BCAT1: variants seen among roughly 807,000 people sequenced by gnomAD.
BCAT1 encodes the protein branched chain amino acid transaminase 1, also known as branched-chain-amino-acid aminotransferase, cytosolic.
In BCAT1, 48 loss-of-function variants were observed where a neutral mutation model predicts 52.4. The ratio of observed to expected loss-of-function variants is 0.92; its 90% CI spans 0.73 to 1.16. The LOEUF is 1.16. Ranked by LOEUF, BCAT1 falls within the 50% of genes most tolerant of loss-of-function variation. The pLI is 0.00. For missense variants in BCAT1, 451 were observed against 457.1 expected, an observed-to-expected ratio of 0.99 and a Z score of 0.12; for synonymous variants, 167 against 161.3, an observed-to-expected ratio of 1.04 and a Z score of -0.27.
intron 10 of BCAT1, among the ~76,000 whole-genome samples, chr12:24,819,018 G>A (rs949010197): frequency 3.3e-5 from 5 of 152,046 alleles, no homozygotes; most frequent in African/African-American, 1.2e-4. Context: ...TACATAGAAG[G>A]TACCATTATC....
chr12:24,916,170 C>G (rs1943403926), intron 1 of BCAT1, among the ~76,000 whole-genome samples: 1 of 152,172 alleles, frequency 6.6e-6, no homozygotes, highest in South Asian at 2.1e-4. Flanking sequence ...AAAAAACAAA[C>G]TCTTGAAGCA....
intron 5 of BCAT1, among the ~76,000 whole-genome samples, chr12:24,855,599 T>C (rs2139490559): frequency 1.3e-5 from 2 of 152,216 alleles, no homozygotes; most frequent in Middle Eastern, 6.8e-3. Flanking sequence ...CAGGCTGGTC[T>C]CAAATCCCTG....
At chr12:24,912,393 A>T (rs1591869673) in intron 1 of BCAT1, among the ~76,000 whole-genome samples, 3 of 152,008 alleles carry the variant, frequency 2.0e-5, no homozygotes, top group African/African-American at 7.2e-5. Context: ...AGTGGTGGGC[A>T]CCTGTAGTCC....
chr12:24,916,795 T>G (rs1943416770), intron 1 of BCAT1, among the ~76,000 whole-genome samples: 1 of 152,194 alleles, frequency 6.6e-6, no homozygotes, highest in Non-Finnish European at 1.5e-5. Flanking sequence ...GGCCTCGCCC[T>G]CCCAAGGTGC....
At chr12:24,946,923 C>T (rs1444262420) in intron 1 of BCAT1, among the ~76,000 whole-genome samples, 3 of 152,120 alleles carry the variant, frequency 2.0e-5, no homozygotes, top group African/African-American at 4.8e-5. Flanking sequence ...TATTTTTCCC[C>T]TTTTCTCTCT....
At position 24,949,077 on chromosome 12, in the gene BCAT1, G is replaced by A; in HGVS notation, c.-145C>T. On this transcript the variant is annotated 5_prime_UTR_variant, in exon 1 of 11. Coordinates refer to ENST00000261192, the MANE Select transcript of BCAT1 (RefSeq NM_005504.7). ...CTGGGGCAGTGCCCGAGGCGGCGGC[G>A]AGTACACGTGGCGGGCTGGATTGCA... The A allele has an allele frequency of 2.7e-6, 2 of 739,008 alleles. No homozygotes were observed. The highest frequency in any genetic ancestry group is 4.4e-6 in the Non-Finnish European group (2 of 452,270). The allele number at this position is 739,008 out of a possible 1,614,324, so 45.8% of individuals were successfully genotyped here.
chr12:24,923,890 A>G (rs1468027569), intron 1 of BCAT1, among the ~76,000 whole-genome samples: 1 of 152,234 alleles, frequency 6.6e-6, no homozygotes, highest in Non-Finnish European at 1.5e-5. Context: ...TGCTCAGTCC[A>G]TCCCCTTCTC....
chr12:24,887,074 A>AT (rs1386988910), intron 3 of BCAT1, among the ~76,000 whole-genome samples: 2 of 95,066 alleles, frequency 2.1e-5, no homozygotes, highest in East Asian at 2.6e-4. Flanking sequence ...AAAAAAAAAA[A>AT]AAAAAAATAT....
intron 1 of BCAT1, chr12:24,945,450 G>A (rs1458049578): frequency 1.3e-5 from 2 of 152,188 alleles, no homozygotes; most frequent in Non-Finnish European, 2.9e-5. Context: ...GAAATGTATA[G>A]ACCAGTTGGA....
chr12:24,860,009 A>C (rs1941810469), intron 5 of BCAT1, among the ~76,000 whole-genome samples: 1 of 152,244 alleles, frequency 6.6e-6, no homozygotes, highest in African/African-American at 2.4e-5. Flanking sequence ...TATCAGTAAT[A>C]ATTATAACTG....
At chr12:24,886,221 C>A (rs987781986) in intron 3 of BCAT1, among the ~76,000 whole-genome samples, 7 of 152,074 alleles carry the variant, frequency 4.6e-5, no homozygotes, top group African/African-American at 1.7e-4. Context: ...AGTTCGAGAC[C>A]AGCCTGGGCA....
At chr12:24,928,411 G>A (rs569217999) in intron 1 of BCAT1, among the ~76,000 whole-genome samples, 2 of 152,250 alleles carry the variant, frequency 1.3e-5, no homozygotes, top group African/African-American at 4.8e-5. Context: ...GGCTGAGGCA[G>A]GAGAATTGTT....
chr12:24,834,911 G>A (rs1808454470), intron 8 of BCAT1: 1 of 453,650 alleles, frequency 2.2e-6, no homozygotes, highest in Non-Finnish European at 2.9e-6. Context: ...CTGGCAAATA[G>A]TGGTGACCCC....
chr12:24,921,242 A>G (rs1188617458), intron 1 of BCAT1, among the ~76,000 whole-genome samples: 1 of 152,236 alleles, frequency 6.6e-6, no homozygotes, highest in Non-Finnish European at 1.5e-5. Flanking sequence ...ACAAAAAGAC[A>G]GCACTTTGGA....
intron 8 of BCAT1, chr12:24,834,141 T>C (rs1940821721): frequency 1.0e-6 from 1 of 980,412 alleles, no homozygotes; most frequent in African/African-American, 1.8e-5. Flanking sequence ...ATATCTTTTA[T>C]GGAATAAAGA....
intron 5 of BCAT1, among the ~76,000 whole-genome samples, chr12:24,876,200 A>G (rs1942330250): frequency 6.7e-6 from 1 of 149,874 alleles, no homozygotes. Flanking sequence ...AAGTAGGACC[A>G]TCGTAAGTTG....
At chr12:24,881,234 T>C in intron 4 of BCAT1, 67 bp downstream of exon 4, 2 of 1,105,850 alleles carry the variant, frequency 1.8e-6, no homozygotes, top group East Asian at 2.4e-5. Flanking sequence ...AAATTATTTA[T>C]TTGGTGGTCA....
intron 9 of BCAT1, 39 bp from the exon 10 acceptor site, chr12:24,829,936 C>T (rs757744801): frequency 1.4e-6 from 2 of 1,476,898 alleles, no homozygotes; most frequent in Non-Finnish European, 1.9e-6. Context: ...TGAGGGTACT[C>T]ATGTATATGG....
chr12:24,926,649 T>C (rs1225012848), intron 1 of BCAT1, among the ~76,000 whole-genome samples: 2 of 152,212 alleles, frequency 1.3e-5, no homozygotes, highest in Non-Finnish European at 1.5e-5. Context: ...TGTTGATCTA[T>C]GACCTTACCC....
Sources: gnomAD v4.1 joint callset for allele counts (sites outside exome capture counted in the v4.1 genomes callset) on GRCh38, gnomAD v4.1.1 for gene constraint, MANE v1.5 for transcripts, NCBI Gene and HGNC (gene_info 2026-07-23, HGNC 2026-07-21) for gene names.